The following MTM1 variants were observed in gnomAD, a reference collection of about 807,000 sequenced individuals.
The protein encoded by MTM1 is myotubularin.
MTM1 carries 9 observed loss-of-function variants against 52.1 expected under a neutral mutation model. That is an observed-to-expected ratio of 0.17 (90% CI 0.10 to 0.30). The LOEUF is 0.30. Among genes scored for constraint, MTM1 ranks in the 10% least tolerant of loss-of-function variants. The probability of loss-of-function intolerance (pLI) is 1.00; values close to 1 mark genes in which losing one functional copy is unlikely to be tolerated. For missense variants in MTM1, 277 were observed against 470.7 expected, an observed-to-expected ratio of 0.59 and a Z score of 3.81; for synonymous variants, 136 against 163.8, an observed-to-expected ratio of 0.83 and a Z score of 1.29.
chrX:150,613,374 A>G (rs2039326218), intron 4 of MTM1, among the ~76,000 whole-genome samples: 1 of 110,921 alleles, frequency 9.0e-6, no homozygotes, highest in Non-Finnish European at 1.9e-5. Context: ...GCTGTTTCCC[A>G]CTTAAACTTA....
At chrX:150,649,929 G>A (rs1603196789) in intron 10 of MTM1, 28 bp downstream of exon 10, 1 of 1,152,296 alleles carries the variant, frequency 8.7e-7, no homozygotes, top group Non-Finnish European at 1.2e-6. Flanking sequence ...AAATATTTGT[G>A]TATATAAAAA....
At chrX:150,660,180 C>CA (rs2040195754) in intron 12 of MTM1, among the ~76,000 whole-genome samples, 191 bp from the exon 13 acceptor site, 1 of 111,859 alleles carries the variant, frequency 8.9e-6, no homozygotes. Context: ...TTATTTAACA[C>CA]TTAAAGTGCT....
intron 4 of MTM1, among the ~76,000 whole-genome samples, chrX:150,613,151 A>AGG (rs1315484087): frequency 9.6e-6 from 1 of 104,462 alleles, no homozygotes; most frequent in South Asian, 4.1e-4. Flanking sequence ...AAAAAAAAAA[A>AGG]GGGGGGAAAG....
intron 5 of MTM1, among the ~76,000 whole-genome samples, chrX:150,616,707 A>G (rs1557413151): frequency 9.0e-6 from 1 of 111,527 alleles, no homozygotes; most frequent in African/African-American, 3.3e-5. Context: ...GTAAAACCAT[A>G]CCACCACAAA....
chrX:150,653,445 C>T (rs2040061064), intron 10 of MTM1, among the ~76,000 whole-genome samples: 3 of 112,146 alleles, frequency 2.7e-5, no homozygotes, highest in Admixed American at 1.9e-4. Context: ...TCTGTCTTCT[C>T]AAAATCACTA....
At chrX:150,565,921 C>T (rs782103364), upstream of MTM1, among the ~76,000 whole-genome samples, 18 of 109,155 alleles carry the variant, frequency 1.6e-4, no homozygotes, top group Non-Finnish European at 9.5e-5. Context: ...GGGAGGCCAG[C>T]CATCTTCTCA....
At chrX:150,579,025 A>G (rs1603093917) in intron 1 of MTM1, among the ~76,000 whole-genome samples, 3 of 105,344 alleles carry the variant, frequency 2.8e-5, no homozygotes, top group Admixed American at 2.1e-4. Flanking sequence ...ATCTCTATCT[A>G]TCTATCTATC....
chrX:150,648,369 C>T (rs1456717406), intron 9 of MTM1, among the ~76,000 whole-genome samples: 1 of 111,992 alleles, frequency 8.9e-6, no homozygotes, highest in Non-Finnish European at 1.9e-5. Context: ...TTCTTTGGCC[C>T]TTCTATCCAT....
At chrX:150,599,357 G>A (rs1462904049) in intron 4 of MTM1, among the ~76,000 whole-genome samples, 3 of 112,334 alleles carry the variant, frequency 2.7e-5, no homozygotes, top group African/African-American at 9.7e-5. Flanking sequence ...GGAAGAGAGA[G>A]TGAGTAGCTG....
At chrX:150,638,721 A>G (rs1189819002) in intron 6 of MTM1, among the ~76,000 whole-genome samples, 8 of 111,181 alleles carry the variant, frequency 7.2e-5, no homozygotes, top group African/African-American at 2.0e-4. Flanking sequence ...ATTTATAGCC[A>G]TAGAAAATTG....
intron 14 of MTM1, among the ~76,000 whole-genome samples, chrX:150,667,061 T>C (rs1490630664): frequency 2.7e-5 from 3 of 112,031 alleles, no homozygotes; most frequent in Non-Finnish European, 5.6e-5. Flanking sequence ...CTTCTCAGCA[T>C]GGCAGCCAAA....
intron 2 of MTM1, among the ~76,000 whole-genome samples, chrX:150,594,827 T>C (rs2038948090): frequency 8.9e-6 from 1 of 111,900 alleles, no homozygotes; most frequent in Non-Finnish European, 1.9e-5. Flanking sequence ...GTATTGCATT[T>C]GCTCGTTATG....
chrX:150,570,658 G>A (rs782516478), intron 1 of MTM1, among the ~76,000 whole-genome samples: 79 of 112,004 alleles, frequency 7.1e-4, no homozygotes, highest in African/African-American at 2.4e-3. Flanking sequence ...ATTTCATGCC[G>A]GTGTCTGCTG....
At chrX:150,665,691 A>G (rs983919478) in intron 14 of MTM1, among the ~76,000 whole-genome samples, 8 of 112,416 alleles carry the variant, frequency 7.1e-5, no homozygotes, top group African/African-American at 2.6e-4. Flanking sequence ...TTAGCCTCAA[A>G]GAAGGCAGGA....
At chrX:150,623,394 T>G (rs1356368301) in intron 6 of MTM1, among the ~76,000 whole-genome samples, 5 of 110,631 alleles carry the variant, frequency 4.5e-5, no homozygotes, top group African/African-American at 1.6e-4. Context: ...TTTTGTTTTT[T>G]GGGGTTTTTT....
intron 4 of MTM1, among the ~76,000 whole-genome samples, chrX:150,605,514 A>G (rs949669710): frequency 8.9e-6 from 1 of 112,742 alleles, no homozygotes; most frequent in Non-Finnish European, 1.9e-5. Flanking sequence ...GCAGTGTATT[A>G]CCCAAAGATT....
In MTM1 at chrX:150,647,702, C is replaced by T. The variant is rs73250565; in HGVS notation, c.867+1831C>T. 3.1e-3 allele frequency among the ~76,000 whole-genome samples: 347 copies of T among 112,369 alleles called. 1 individual carries two copies. Among genetic ancestry groups the T allele is most frequent in the Middle Eastern group, 0.028 (6 of 216 alleles). On this transcript the variant is annotated intron_variant, in intron 9 of 14. Coordinates refer to ENST00000370396, the MANE Select transcript of MTM1 (RefSeq NM_000252.3). The stretch of plus-strand genomic sequence containing the variant: ...CTTGACTAATTGATTGTTGCCCTTT[C>T]TGACCTTCTGTTCTCCTTGGACCTA...
At chrX:150,573,809 T>C (rs1043415686) in intron 1 of MTM1, among the ~76,000 whole-genome samples, 15 of 112,184 alleles carry the variant, frequency 1.3e-4, no homozygotes, top group Non-Finnish European at 2.4e-4. Flanking sequence ...GCCCAAGCTC[T>C]TTTACTGAAA....
chrX:150,627,257 A>C (rs2039585489), intron 6 of MTM1, among the ~76,000 whole-genome samples: 1 of 111,731 alleles, frequency 9.0e-6, no homozygotes, highest in Non-Finnish European at 1.9e-5. Flanking sequence ...CCATCGTTTG[A>C]CTGTCAACTA....
Sources: allele counts gnomAD v4.1 joint callset (sites outside exome capture counted in the v4.1 genomes callset), GRCh38; gene constraint gnomAD v4.1.1; transcripts MANE v1.5; gene names NCBI Gene and HGNC (gene_info 2026-07-23, HGNC 2026-07-21).